PDE3B: variants seen among roughly 807,000 people sequenced by gnomAD.
PDE3B encodes the protein cGMP-inhibited 3',5'-cyclic phosphodiesterase 3B.
PDE3B carries 66 observed loss-of-function variants against 116.8 expected under a neutral mutation model. That is an observed-to-expected ratio of 0.56 (90% CI 0.46 to 0.69). The LOEUF is 0.69. PDE3B is among the 30% of genes least tolerant of loss of function. The pLI is 0.00. For synonymous variants in PDE3B, 595 were observed against 533.6 expected (o/e 1.12, Z -1.59); for missense variants, 1,384 against 1,368.1 (o/e 1.01, Z -0.18).
At chr11:14,679,962 G>T (rs528088373) in intron 1 of PDE3B, among the ~76,000 whole-genome samples, 33 of 152,168 alleles carry the variant, frequency 2.2e-4, no homozygotes, top group African/African-American at 7.7e-4. Flanking sequence ...CATGGGAAAA[G>T]ATGGCCTTAT....
At chr11:14,747,127 A>G (rs541284622) in intron 1 of PDE3B, among the ~76,000 whole-genome samples, 18 of 152,308 alleles carry the variant, frequency 1.2e-4, no homozygotes, top group South Asian at 2.1e-4. Flanking sequence ...AAACAACACA[A>G]TCTTTAAAAC....
chr11:14,877,420 A>G, the PDE3B span: 6 of 152,336 alleles, frequency 3.9e-5, no homozygotes, highest in East Asian at 1.2e-3. Context: ...ATGTGCCAAC[A>G]AAGATTCAAT....
intron 1 of PDE3B, among the ~76,000 whole-genome samples, chr11:14,745,372 G>C (rs796166360): frequency 1.3e-5 from 2 of 151,912 alleles, no homozygotes; most frequent in Non-Finnish European, 2.9e-5. Context: ...TCTTGTTTGT[G>C]ATCTAACTAT....
At chr11:14,771,412 A>G (rs980736105) in intron 1 of PDE3B, among the ~76,000 whole-genome samples, 3 of 151,768 alleles carry the variant, frequency 2.0e-5, no homozygotes, top group Admixed American at 6.6e-5. Flanking sequence ...TCAAGGAGAC[A>G]GACAGGAAAA....
Position 14,861,368 on chromosome 11 carries a change from T to C in PDE3B, c.2886+2T>C. On this transcript the variant is annotated splice_donor_variant, in intron 14 of 15. Transcript: ENST00000282096. LOFTEE classifies it high-confidence loss of function. The stretch of plus-strand genomic sequence containing the variant: ...ATTGTCAATGAATTTTATGAGCAGG[T>C]AAGTTGAAACCTGAGCTTGGTGGGA... 1 of 1,612,572 alleles carries C rather than the reference T, an allele frequency of 6.2e-7. No homozygotes were observed.
At position 14,835,095 on chromosome 11, in the gene PDE3B, G is replaced by A; in HGVS notation, c.2320G>A (p.Asp774Asn). ...TGGTTGTGGAACAGGAAATGAAACA[G>A]GTACTTCCTTCTACAAATCTCTTAA... ...HNGCGTGNET[D>N]SDGRINHGRI... Residue 774 changes from aspartate (D) to asparagine (N), a missense_variant and splice_region_variant, in exon 11 of 16, where the codon GAT becomes AAT. Around this residue, in one of 2 missense-constraint regions of PDE3B, gnomAD observed 428 missense variants for 561.4 expected, o/e 0.76. Transcript: ENST00000282096. 1 of 1,555,974 alleles carries A rather than the reference G, an allele frequency of 6.4e-7. No homozygotes were observed. The highest frequency in any genetic ancestry group is 1.1e-5 in the South Asian group (1 of 87,552).
intron 1 of PDE3B, among the ~76,000 whole-genome samples, chr11:14,721,913 C>G (rs932028002): frequency 8.1e-6 from 1 of 123,980 alleles, no homozygotes; most frequent in African/African-American, 3.2e-5. Context: ...TACCCTAAAA[C>G]TTAAAGTATA....
rs1224360343 is a variant in PDE3B at position 14,673,585 on chromosome 11, C to A, written c.978+28532C>A. On this transcript the variant is annotated intron_variant, in intron 1 of 15. Coordinates refer to ENST00000282096, the MANE Select transcript of PDE3B (RefSeq NM_000922.4). ...CATAAGTGAGTGAGAGCGCCTCTCA[C>A]ATGGCTCTCAGGACGGTTCTCAGGA... is the stretch of plus-strand genomic sequence containing the variant. 4 of 574,130 alleles carry A rather than the reference C, an allele frequency of 7.0e-6. No individual in the cohort carries two copies. The East Asian group carries it at 1.2e-4, about 17-fold the overall frequency. 35.6% of individuals were successfully genotyped at this position (574,130 alleles called of 1,614,324 possible).
At chr11:14,664,474 A>G (rs1370235428) in intron 1 of PDE3B, among the ~76,000 whole-genome samples, 1 of 152,236 alleles carries the variant, frequency 6.6e-6, no homozygotes, top group Admixed American at 6.5e-5. Context: ...CAATGAATCC[A>G]GGAGCTGGTT....
At chr11:14,725,313 T>TTCTTTCTTTC (rs1856262583) in intron 1 of PDE3B, among the ~76,000 whole-genome samples, 1 of 67,108 alleles carries the variant, frequency 1.5e-5, no homozygotes, top group Admixed American at 2.1e-4. Context: ...TTCTTTCTCT[T>TTCTTTCTTTC]TCTTTCTTTC....
At chr11:14,805,150 T>G (rs925622843) in intron 5 of PDE3B, among the ~76,000 whole-genome samples, 1 of 152,076 alleles carries the variant, frequency 6.6e-6, no homozygotes, top group Admixed American at 6.6e-5. Context: ...TAAAGTGCAG[T>G]GAACCCCAAG....
intron 1 of PDE3B, among the ~76,000 whole-genome samples, chr11:14,759,981 C>T (rs554595402): frequency 5.9e-5 from 9 of 152,112 alleles, no homozygotes; most frequent in African/African-American, 9.6e-5. Context: ...ATAAACTGGT[C>T]GTTTTTATAG....
the PDE3B span, among the ~76,000 whole-genome samples, chr11:14,890,274 C>T: frequency 1.3e-5 from 2 of 151,004 alleles, no homozygotes; most frequent in African/African-American, 4.9e-5. Context: ...AAGACCTGAC[C>T]TCTAGTCTTA....
At chr11:14,844,051 T>C (rs745512361) in intron 12 of PDE3B, 25 bp downstream of exon 12, 1 of 1,557,366 alleles carries the variant, frequency 6.4e-7, no homozygotes, top group South Asian at 1.1e-5. Flanking sequence ...TAAGAACCTT[T>C]AAAGAGTAAT....
chr11:14,879,174 G>C, the PDE3B span: 1 of 1,613,146 alleles, frequency 6.2e-7, no homozygotes, highest in Non-Finnish European at 8.5e-7. Flanking sequence ...TCCAGAAATC[G>C]CTCAGGATGG....
intron 9 of PDE3B, 126 bp downstream of exon 9, chr11:14,831,903 A>G: frequency 1.8e-6 from 1 of 570,332 alleles, no homozygotes; most frequent in Non-Finnish European, 3.0e-6. Flanking sequence ...TATTTTTTTC[A>G]GAAAAAAATA....
chr11:14,884,662 C>T, the PDE3B span, among the ~76,000 whole-genome samples: 1 of 150,562 alleles, frequency 6.6e-6, no homozygotes. Context: ...GCACCTGTAC[C>T]CTAAAACTTA....
intron 1 of PDE3B, among the ~76,000 whole-genome samples, chr11:14,675,140 C>G (rs756645544): frequency 8.5e-5 from 13 of 152,244 alleles, no homozygotes; most frequent in Non-Finnish European, 1.6e-4. Context: ...CTGAAGTTCT[C>G]AGAGTTGGAG....
chr11:14,794,319 CTTT>C (rs11333119), intron 4 of PDE3B, among the ~76,000 whole-genome samples: 17 of 136,408 alleles, frequency 1.2e-4, no homozygotes, highest in Non-Finnish European at 1.3e-4. Flanking sequence ...TTTTTCTTTT[CTTT>C]TTTTTTTTTT....
Sources: gnomAD v4.1 joint callset for allele counts (sites outside exome capture counted in the v4.1 genomes callset) on GRCh38, gnomAD v4.1.1 for gene constraint, gnomAD v4.1.1 regional missense constraint, MANE v1.5 for transcripts, NCBI Gene and HGNC (gene_info 2026-07-23, HGNC 2026-07-21) for gene names.